Variants in SBF2 observed in about 807,000 individuals in gnomAD.
The protein encoded by SBF2 is myotubularin-related protein 13.
A neutral mutation model predicts 225.2 loss-of-function variants in SBF2; 112 were observed. That is an observed-to-expected ratio of 0.50 (90% CI 0.43 to 0.58). The LOEUF is 0.58. Among genes scored for constraint, SBF2 ranks in the 20% least tolerant of loss-of-function variants. The probability of loss-of-function intolerance (pLI) is 0.00; values close to 1 mark genes in which losing one functional copy is unlikely to be tolerated. For synonymous variants in SBF2, 763 were observed against 773.3 expected (o/e 0.99, Z 0.22); for missense variants, 1,996 against 2,206.2 (o/e 0.90, Z 1.91).
chr11:10,159,353 A>G (rs1170160710), intron 2 of SBF2, among the ~76,000 whole-genome samples: 1 of 152,216 alleles, frequency 6.6e-6, no homozygotes, highest in Non-Finnish European at 1.5e-5. Context: ...ATGGTTTAGG[A>G]GTCATACAGC....
intron 6 of SBF2, among the ~76,000 whole-genome samples, chr11:10,012,828 A>T (rs1948508598): frequency 6.6e-6 from 1 of 151,886 alleles, no homozygotes; most frequent in Admixed American, 6.6e-5. Flanking sequence ...TAAGCTGCAA[A>T]ATCTGCTTGT....
intron 18 of SBF2, among the ~76,000 whole-genome samples, chr11:9,856,980 G>C (rs892850289): frequency 6.6e-6 from 1 of 151,832 alleles, no homozygotes; most frequent in Non-Finnish European, 1.5e-5. Flanking sequence ...GTAGAGACGG[G>C]GTTTCACCAT....
intron 2 of SBF2, among the ~76,000 whole-genome samples, chr11:10,098,699 A>G (rs1033918998): frequency 2.0e-4 from 30 of 151,410 alleles, no homozygotes; most frequent in Non-Finnish European, 3.7e-4. Flanking sequence ...ACACACACAC[A>G]CACACACACA....
chr11:10,098,475 TAA>T (rs1555023189), intron 2 of SBF2, among the ~76,000 whole-genome samples: 1 of 135,784 alleles, frequency 7.4e-6, no homozygotes, highest in Non-Finnish European at 1.6e-5. Flanking sequence ...CAAGGAAAAT[TAA>T]AAAAAAAAAA....
intron 6 of SBF2, among the ~76,000 whole-genome samples, chr11:10,023,452 A>G (rs539258650): frequency 6.6e-6 from 1 of 152,244 alleles, no homozygotes; most frequent in East Asian, 1.9e-4. Context: ...ACGAGGTTGT[A>G]CAAGCATCAT....
At chr11:9,888,582 C>T (rs1315061767) in intron 17 of SBF2, among the ~76,000 whole-genome samples, 1 of 151,622 alleles carries the variant, frequency 6.6e-6, no homozygotes, top group Non-Finnish European at 1.5e-5. Context: ...TAAACCATAA[C>T]AACTTGACTT....
rs577375809 is a variant in SBF2, at chr11:9,784,333, T to G, written c.5319+18A>C. On this transcript the variant is annotated intron_variant, in intron 38 of 39. Transcript: ENST00000256190. ...TAGCCTAGACAGAAGTAATTTCTTT[T>G]GGCTTTAAGAGTATTACCTGATGTT... is the stretch of plus-strand genomic sequence containing the variant. 19 of 1,587,378 alleles carry G rather than the reference T, an allele frequency of 1.2e-5. No individual in the cohort carries two copies. The East Asian group carries it at 3.8e-4, about 32-fold the overall frequency.
chr11:9,979,616 T>G (rs960678580), intron 13 of SBF2, among the ~76,000 whole-genome samples: 6 of 152,152 alleles, frequency 3.9e-5, no homozygotes, highest in Non-Finnish European at 8.8e-5. Context: ...TAAATTAAAG[T>G]AACAGATCTT....
At chr11:10,172,821 C>G (rs1326596643) in intron 2 of SBF2, among the ~76,000 whole-genome samples, 1 of 152,194 alleles carries the variant, frequency 6.6e-6, no homozygotes, top group Non-Finnish European at 1.5e-5. Context: ...CATGTGCCAT[C>G]ATGCTTGGCT....
In SBF2 at chr11:10,210,964, A is replaced by T. The variant is rs181615958; in HGVS notation, c.56-16977T>A. On this transcript the variant is annotated intron_variant, in intron 1 of 39. Coordinates refer to ENST00000256190, the MANE Select transcript of SBF2 (RefSeq NM_030962.4). ...GGAGGCGGAGGTTTCAGTGAGCTGA[A>T]ATTGCGCCACTGCACTCCAGCCTGG... Among the ~76,000 whole-genome samples the T allele has an allele frequency of 7.4e-4, 102 of 137,000 alleles. 1 individual carries two copies. The East Asian group carries it at 0.018, about 25-fold the overall frequency. The allele number at this position is 137,000 out of a possible 152,430, so 89.9% of individuals were successfully genotyped here.
intron 2 of SBF2, among the ~76,000 whole-genome samples, chr11:10,125,844 T>C (rs1953725126): frequency 6.6e-6 from 1 of 152,204 alleles, no homozygotes; most frequent in Non-Finnish European, 1.5e-5. Context: ...CCCATAAACT[T>C]GGCAATTTTA....
chr11:10,171,429 T>A (rs1172067609), intron 2 of SBF2, among the ~76,000 whole-genome samples: 1 of 152,340 alleles, frequency 6.6e-6, no homozygotes, highest in Non-Finnish European at 1.5e-5. Flanking sequence ...GTTGATAAAA[T>A]GTATCACGTT....
In SBF2 at chr11:10,256,403, T is replaced by C. The variant is rs536291095; in HGVS notation, c.55+37612A>G. On this transcript the variant is annotated intron_variant, in intron 1 of 39. Transcript: ENST00000256190. ...AAGATAAGATTGATTTAATTCATCA[T>C]TTACAGAGCTATTGGACAGAGTTCC... Among the ~76,000 whole-genome samples the C allele has an allele frequency of 2.6e-5, 4 of 152,358 alleles. No homozygotes were observed. The East Asian group carries it at 7.7e-4, about 29-fold the overall frequency.
chr11:10,066,689 C>T (rs1950635332), intron 2 of SBF2, among the ~76,000 whole-genome samples: 1 of 152,098 alleles, frequency 6.6e-6, no homozygotes, highest in Admixed American at 6.5e-5. Flanking sequence ...AAACCGAATG[C>T]TTTTCCACTA....
intron 12 of SBF2, among the ~76,000 whole-genome samples, chr11:9,990,354 C>A (rs1352095435): frequency 1.3e-5 from 2 of 152,186 alleles, no homozygotes; most frequent in South Asian, 4.1e-4. Context: ...AGACATCTAT[C>A]TGATGGAAGT....
chr11:10,117,963 T>C (rs1026363586), intron 2 of SBF2, among the ~76,000 whole-genome samples: 4 of 152,190 alleles, frequency 2.6e-5, no homozygotes, highest in South Asian at 4.1e-4. Context: ...GCAGTTTCTA[T>C]GTCATTCTGC....
intron 2 of SBF2, among the ~76,000 whole-genome samples, chr11:10,193,689 AAAAG>A (rs1193520029): frequency 3.3e-5 from 5 of 152,174 alleles, no homozygotes; most frequent in Non-Finnish European, 7.3e-5. Flanking sequence ...TTAAATGAGA[AAAAG>A]AAGAGCAAAA....
intron 1 of SBF2, among the ~76,000 whole-genome samples, chr11:10,268,748 G>C (rs1379397924): frequency 6.6e-6 from 1 of 152,096 alleles, no homozygotes; most frequent in African/African-American, 2.4e-5. Context: ...GATATATTTG[G>C]GCCATGCTCT....
chr11:9,872,416 TA>T (rs1033493550), intron 17 of SBF2, among the ~76,000 whole-genome samples: 21 of 152,228 alleles, frequency 1.4e-4, no homozygotes, highest in African/African-American at 4.8e-4. Flanking sequence ...ACCTCTGTGA[TA>T]AACCTGCACA....
Sources: gnomAD v4.1 joint callset for allele counts (sites outside exome capture counted in the v4.1 genomes callset) on GRCh38, gnomAD v4.1.1 for gene constraint, MANE v1.5 for transcripts, NCBI Gene and HGNC (gene_info 2026-07-23, HGNC 2026-07-21) for gene names.